SEC23A: variants seen among roughly 807,000 people sequenced by gnomAD.
The protein encoded by SEC23A is protein transport protein Sec23A.
A neutral mutation model predicts 103.7 loss-of-function variants in SEC23A; 56 were observed. The ratio of observed to expected loss-of-function variants is 0.54; its 90% CI spans 0.44 to 0.67. The LOEUF (loss-of-function observed/expected upper bound fraction) is 0.67, where lower values mean the gene tolerates loss of function less well. Ranked by LOEUF, SEC23A falls within the 30% of genes least tolerant of loss-of-function variation. The probability of loss-of-function intolerance (pLI) is 0.00; values close to 1 mark genes in which losing one functional copy is unlikely to be tolerated. For synonymous variants in SEC23A, 281 were observed against 293.0 expected, an observed-to-expected ratio of 0.96 and a Z score of 0.42; for missense variants, 784 against 936.4, an observed-to-expected ratio of 0.84 and a Z score of 2.12.
rs996096953 is a variant in SEC23A at position 39,041,700 on chromosome 14, T to C, written c.1987-813A>G. 2.0e-5 allele frequency among the ~76,000 whole-genome samples: 3 copies of C among 151,766 alleles called. No homozygotes were observed. The East Asian group carries it at 5.8e-4, about 29-fold the overall frequency. On this transcript the variant is annotated intron_variant, in intron 17 of 19. Transcript: ENST00000307712. ...GCCTGGCCAACATGGTGAAAACCTG[T>C]CTCTACTAAAATGCAAAAATTAACT...
intron 18 of SEC23A, chr14:39,039,359 T>C (rs1171308547): frequency 5.0e-6 from 2 of 398,982 alleles, no homozygotes; most frequent in Admixed American, 4.2e-5. Flanking sequence ...ATATAAAAAT[T>C]ATGTGTGCAA....
chr14:39,098,094 AAAAAAC>A (rs1887952592), intron 1 of SEC23A, among the ~76,000 whole-genome samples: 1 of 152,140 alleles, frequency 6.6e-6, no homozygotes. Context: ...ATCTCAAAAA[AAAAAAC>A]AAAACTATTT....
At chr14:39,052,427 A>G (rs992476485) in intron 14 of SEC23A, among the ~76,000 whole-genome samples, 4 of 152,214 alleles carry the variant, frequency 2.6e-5, no homozygotes, top group African/African-American at 9.6e-5. Context: ...GAAGAATTAC[A>G]ATCATCTGAG....
intron 7 of SEC23A, among the ~76,000 whole-genome samples, chr14:39,083,529 G>A (rs938701484): frequency 6.7e-6 from 1 of 149,616 alleles, no homozygotes; most frequent in Non-Finnish European, 1.5e-5. Flanking sequence ...GACCTCCAGA[G>A]GCATGTGTCC....
chr14:39,055,853 C>A (rs537527564), intron 13 of SEC23A, among the ~76,000 whole-genome samples: 55 of 152,352 alleles, frequency 3.6e-4, no homozygotes, highest in African/African-American at 1.3e-3. Flanking sequence ...TTTACAGATT[C>A]CTGTTTTCTA....
intron 7 of SEC23A, among the ~76,000 whole-genome samples, chr14:39,080,433 G>C (rs1329638854): frequency 6.6e-6 from 1 of 152,152 alleles, no homozygotes; most frequent in Non-Finnish European, 1.5e-5. Flanking sequence ...TTGAGACAGA[G>C]TCTTGCTCTG....
At chr14:39,092,834 T>C (rs1250723299) in intron 3 of SEC23A, 6 of 547,472 alleles carry the variant, frequency 1.1e-5, no homozygotes, top group South Asian at 6.8e-5. Context: ...GGATGTTTTA[T>C]GGGTTTTTTT....
chr14:39,039,540 T>G, intron 18 of SEC23A: 1 of 172,660 alleles, frequency 5.8e-6, no homozygotes, highest in Non-Finnish European at 1.2e-5. Context: ...GATCCAACAT[T>G]TTATCCTTCT....
chr14:39,038,837 G>C (rs1389566496), intron 19 of SEC23A, among the ~76,000 whole-genome samples, 194 bp downstream of exon 19: 1 of 152,090 alleles, frequency 6.6e-6, no homozygotes, highest in African/African-American at 2.4e-5. Context: ...TGCTAAACTT[G>C]GAGTCTATTT....
chr14:39,085,566 C>G (rs571567662), intron 7 of SEC23A, among the ~76,000 whole-genome samples, 196 bp downstream of exon 7: 1 of 151,954 alleles, frequency 6.6e-6, no homozygotes, highest in Non-Finnish European at 1.5e-5. Context: ...CAGGTGGTAT[C>G]GAAGGCAGAA....
At position 39,094,420 on chromosome 14, in the gene SEC23A, ATATATATATATATATATATATATTTTTT is replaced by A. The variant is rs1566515040; in HGVS notation, c.222-1204_222-1177del. On this transcript the variant is annotated intron_variant, in intron 2 of 19. Coordinates refer to ENST00000307712, the MANE Select transcript of SEC23A (RefSeq NM_006364.4). Reference sequence around the variant, plus strand: ...CACATATATATATATATATATATATATATATATATATATATATATATATTTTTTTTTTTTTTTTTTCCCCTCCTGTAGA... The same window carrying A: ...CACATATATATATATATATATATATATTTTTTTTTTTTCCCCTCCTGTAGA... Among the ~76,000 whole-genome samples the A allele has an allele frequency of 3.6e-3, 227 of 62,534 alleles. 43 individuals carry two copies. The highest frequency in any genetic ancestry group is 0.028 in the African/African-American group (211 of 7,616). 41.0% of individuals were successfully genotyped at this position (62,534 alleles called of 152,430 possible).
chr14:39,039,580 A>ATTT (rs1428221944), intron 18 of SEC23A: 1 of 156,722 alleles, frequency 6.4e-6, no homozygotes, highest in Non-Finnish European at 1.4e-5. Flanking sequence ...CATGAAAATA[A>ATTT]TAACCAGAAT....
At chr14:39,085,632 T>C in intron 7 of SEC23A, 130 bp downstream of exon 7, 3 of 1,083,332 alleles carry the variant, frequency 2.8e-6, no homozygotes, top group Non-Finnish European at 2.7e-6. Context: ...TGATGCTGAG[T>C]GAGAGAATAG....
At chr14:39,081,220 A>C (rs78574649) in intron 7 of SEC23A, among the ~76,000 whole-genome samples, 13 of 151,986 alleles carry the variant, frequency 8.6e-5, no homozygotes, top group East Asian at 3.9e-4. Context: ...AAAAAAAAAA[A>C]ACACACACAC....
chr14:39,057,552 G>C (rs941099813), intron 13 of SEC23A, among the ~76,000 whole-genome samples: 29 of 152,188 alleles, frequency 1.9e-4, no homozygotes, highest in African/African-American at 6.7e-4. Flanking sequence ...TTGTTTCAGA[G>C]GTGAGGGTCT....
At position 39,085,917 on chromosome 14, in the gene SEC23A, G is replaced by C. The variant is rs745430336; in HGVS notation, c.684-11C>G. The C allele has an allele frequency of 2.4e-5, 39 of 1,610,230 alleles. No individual in the cohort carries two copies. In the South Asian group the frequency reaches 3.8e-4, roughly 16 times the overall value. ...ACTGGTTGTAAGAATCTAAGAAACAGAATTAAATAAAAAGCCATTTGTAAA... is the reference window on the plus strand; with the variant it reads ...ACTGGTTGTAAGAATCTAAGAAACACAATTAAATAAAAAGCCATTTGTAAA... On this transcript the variant is annotated splice_polypyrimidine_tract_variant and intron_variant, in intron 6 of 19. Coordinates refer to ENST00000307712, the MANE Select transcript of SEC23A (RefSeq NM_006364.4).
intron 13 of SEC23A, among the ~76,000 whole-genome samples, chr14:39,056,388 C>T (rs1398171832): frequency 2.0e-5 from 3 of 152,216 alleles, no homozygotes; most frequent in African/African-American, 7.2e-5. Flanking sequence ...CTGCCTTGGC[C>T]TCCCAAAGTG....
At chr14:39,067,844 T>C (rs1886725481) in intron 9 of SEC23A, among the ~76,000 whole-genome samples, 1 of 151,758 alleles carries the variant, frequency 6.6e-6, no homozygotes, top group Non-Finnish European at 1.5e-5. Flanking sequence ...AATTTTTTTG[T>C]TTTTTTGTAG....
chr14:39,038,368 T>C (rs1408452323), intron 19 of SEC23A, among the ~76,000 whole-genome samples: 1 of 152,214 alleles, frequency 6.6e-6, no homozygotes, highest in Non-Finnish European at 1.5e-5. Flanking sequence ...TGCCTTGTAA[T>C]TTACTTAGGT....
Sources: allele counts gnomAD v4.1 joint callset (sites outside exome capture counted in the v4.1 genomes callset), GRCh38; gene constraint gnomAD v4.1.1; transcripts MANE v1.5; gene names NCBI Gene and HGNC (gene_info 2026-07-23, HGNC 2026-07-21).